The following MAN2B2 variants were observed in gnomAD, a reference collection of about 807,000 sequenced individuals.
MAN2B2 encodes epididymis-specific alpha-mannosidase.
Under a neutral mutation model 117.1 loss-of-function variants are expected in MAN2B2, and 106 were observed. The ratio of observed to expected loss-of-function variants is 0.90; its 90% confidence interval spans 0.77 to 1.06. The LOEUF (loss-of-function observed/expected upper bound fraction) is 1.06, where lower values mean the gene tolerates loss of function less well. Among genes scored for constraint, MAN2B2 ranks in the 50% least tolerant of loss-of-function variants. The pLI is 0.00. For synonymous variants in MAN2B2, 544 were observed against 595.1 expected (o/e 0.91, Z 1.25); for missense variants, 1,326 against 1,381.4 (o/e 0.96, Z 0.64).
At chr4:6,578,603 G>T in intron 3 of MAN2B2, 105 bp downstream of exon 3, 1 of 915,758 alleles carries the variant, frequency 1.1e-6, no homozygotes, top group Non-Finnish European at 1.7e-6. Flanking sequence ...CCCTCTTAGT[G>T]GGGTCGGGGA....
At chr4:6,607,139 T>C (rs1191346444) in intron 11 of MAN2B2, among the ~76,000 whole-genome samples, 1 of 152,242 alleles carries the variant, frequency 6.6e-6, no homozygotes, top group East Asian at 1.9e-4. Flanking sequence ...TGGATTTACC[T>C]GTTCATACAA....
At chr4:6,602,153 T>G (rs978151437) in intron 10 of MAN2B2, among the ~76,000 whole-genome samples, 7 of 152,350 alleles carry the variant, frequency 4.6e-5, no homozygotes, top group Non-Finnish European at 1.0e-4. Flanking sequence ...AGCCGTGAGC[T>G]GAGCCTTCCC....
intron 10 of MAN2B2, among the ~76,000 whole-genome samples, chr4:6,604,204 G>A (rs1389292079): frequency 3.3e-5 from 5 of 152,194 alleles, no homozygotes; most frequent in African/African-American, 1.2e-4. Flanking sequence ...GGTCACCGCA[G>A]GGAGGAGGCT....
At chr4:6,602,353 G>GT (rs1296970502) in intron 10 of MAN2B2, among the ~76,000 whole-genome samples, 8 of 152,322 alleles carry the variant, frequency 5.3e-5, no homozygotes, top group African/African-American at 1.4e-4. Flanking sequence ...GCATGGCCGG[G>GT]TTCTGGTGAG....
chr4:6,610,260 G>A (rs532701976), intron 13 of MAN2B2, among the ~76,000 whole-genome samples: 11 of 152,218 alleles, frequency 7.2e-5, no homozygotes, highest in Admixed American at 6.5e-4. Context: ...AGGTTCAAGC[G>A]ATTCTCCTGC....
At chr4:6,616,276 G>A (rs73209774) in intron 16 of MAN2B2, among the ~76,000 whole-genome samples, 84 of 152,224 alleles carry the variant, frequency 5.5e-4, no homozygotes, top group Middle Eastern at 3.4e-3. Flanking sequence ...TCTGAGCCTC[G>A]GTCTTCCCAT....
rs531506463 is a variant in MAN2B2, at chr4:6,598,430, C to T, written c.1405+76C>T. 9.7e-5 allele frequency: 143 copies of T among 1,470,708 alleles called. No individual in the cohort carries two copies. In the African/African-American group the frequency reaches 1.5e-3, roughly 16 times the overall value. 91.1% of individuals were successfully genotyped at this position (1,470,708 alleles called of 1,614,324 possible). ...TGAGGAGGTCAGGGGAGGGGCTCAA[C>T]GACCCCAGCTTCAGACTCTGAGTCC... On this transcript the variant is annotated intron_variant, in intron 9 of 18. Transcript: ENST00000285599.
At chr4:6,578,049 A>G (rs1202383432) in intron 2 of MAN2B2, among the ~76,000 whole-genome samples, 1 of 152,030 alleles carries the variant, frequency 6.6e-6, no homozygotes, top group African/African-American at 2.4e-5. Flanking sequence ...TGTTAAGCAA[A>G]TAGGTTAAAA....
intron 18 of MAN2B2, 21 bp downstream of exon 18, chr4:6,620,065 G>C (rs746924286): frequency 1.3e-6 from 2 of 1,587,730 alleles, no homozygotes; most frequent in Admixed American, 3.5e-5. Context: ...CCCCGCTTCA[G>C]CTCCCTACCC....
chr4:6,600,794 C>T, intron 10 of MAN2B2, 38 bp downstream of exon 10: 1 of 1,608,424 alleles, frequency 6.2e-7, no homozygotes, highest in Non-Finnish European at 8.5e-7. Context: ...GCCTTAGCTG[C>T]TTGCTGAACC....
At chr4:6,617,054 C>G (rs943350815) in intron 16 of MAN2B2, among the ~76,000 whole-genome samples, 1 of 152,302 alleles carries the variant, frequency 6.6e-6, no homozygotes, top group South Asian at 2.1e-4. Flanking sequence ...TCACGTCTTA[C>G]ATGGTGGCAG....
chr4:6,609,189 G>T lies in MAN2B2; in HGVS notation c.1897G>T (p.Asp633Tyr). ...NGDVKQGPIS[D>Y]NYLFTPGKAA... ...GGATGTGAAACAGGGCCCCATTTCCGATAACTACCTGTTCACACCGGGCAA... is the reference window on the plus strand; with the variant it reads ...GGATGTGAAACAGGGCCCCATTTCCTATAACTACCTGTTCACACCGGGCAA... Residue 633 changes from aspartate to tyrosine, a missense_variant, in exon 12 of 19, where the codon GAT becomes TAT. Asp to Tyr is a radical substitution (Grantham distance 160). Coordinates refer to ENST00000285599, the MANE Select transcript of MAN2B2 (RefSeq NM_015274.3). 1 of 1,614,216 alleles carries T rather than the reference G, an allele frequency of 6.2e-7. No individual in the cohort carries two copies. Among genetic ancestry groups the T allele is most frequent in the Non-Finnish European group, 8.5e-7 (1 of 1,180,034 alleles).
chr4:6,614,568 G>C (rs1024974178), intron 16 of MAN2B2, among the ~76,000 whole-genome samples: 9 of 152,142 alleles, frequency 5.9e-5, no homozygotes, highest in Non-Finnish European at 7.3e-5. Context: ...CTGGCCCCCA[G>C]CCCTGTGACC....
rs139366067 is a variant in MAN2B2 at position 6,597,567 on chromosome 4, A to C, written c.1248+264A>C. On this transcript the variant is annotated intron_variant, in intron 8 of 18. Coordinates refer to ENST00000285599, the MANE Select transcript of MAN2B2 (RefSeq NM_015274.3). The stretch of plus-strand genomic sequence containing the variant: ...GGGATAAAGGACAAGGTGGAGTGGC[A>C]TTTGTGTCCGACAGCCCTGCCTGCA... Among the ~76,000 whole-genome samples, 84 of 152,322 alleles carry C rather than the reference A, an allele frequency of 5.5e-4. 1 individual carries two copies. The East Asian group carries it at 0.015, about 28-fold the overall frequency.
At position 6,587,102 on chromosome 4, in the gene MAN2B2, G is replaced by T. The variant is rs565418990; in HGVS notation, c.498G>T (p.Ala166=). The change falls in exon 4 of 19, where the codon GCG becomes GCT. Residue 166 remains alanine (A), a synonymous_variant. Transcript: ENST00000285599. ...SATTPTLFAL[A]GFNAHLGSRI... Reference sequence around the variant, plus strand: ...CGACGCCCACCCTATTTGCGCTGGCGGGCTTCAATGCCCACCTCGGCTCCC... The same window carrying T: ...CGACGCCCACCCTATTTGCGCTGGCTGGCTTCAATGCCCACCTCGGCTCCC... The T allele has an allele frequency of 6.2e-7, 1 of 1,613,848 alleles. No homozygotes were observed. Among genetic ancestry groups the T allele is most frequent in the Admixed American group, 1.7e-5 (1 of 60,002 alleles).
rs532773904 is a variant in MAN2B2 at position 6,596,532 on chromosome 4, G to A, written c.1058-581G>A. ...TTCAGCCCTCCTGCCTCCTGCATGG[G>A]CCCTGGGCATCCTCATCCTCTCTGT... On this transcript the variant is annotated intron_variant, in intron 7 of 18. Coordinates refer to ENST00000285599, the MANE Select transcript of MAN2B2 (RefSeq NM_015274.3). Among the ~76,000 whole-genome samples, 29 of 152,230 alleles carry A rather than the reference G, an allele frequency of 1.9e-4. No homozygotes were observed. In the South Asian group the frequency reaches 3.9e-3, roughly 21 times the overall value.
intron 9 of MAN2B2, among the ~76,000 whole-genome samples, chr4:6,599,231 G>A (rs752243323): frequency 2.0e-5 from 3 of 152,136 alleles, no homozygotes; most frequent in African/African-American, 4.8e-5. Context: ...CCAAGTAGCT[G>A]GGACTACAGG....
At chr4:6,587,746 TGTTG>T (rs1318349518) in intron 4 of MAN2B2, among the ~76,000 whole-genome samples, 4 of 130,810 alleles carry the variant, frequency 3.1e-5, no homozygotes, top group Non-Finnish European at 1.7e-5. Context: ...TCTTTTGGGT[TGTTG>T]TTTTTTTTTT....
At chr4:6,594,243 G>A (rs866038496) in intron 6 of MAN2B2, among the ~76,000 whole-genome samples, 2 of 152,148 alleles carry the variant, frequency 1.3e-5, no homozygotes, top group African/African-American at 4.8e-5. Flanking sequence ...AGGAGTTCGG[G>A]ACCAGCCTGG....
Sources: gnomAD v4.1 joint callset for allele counts (sites outside exome capture counted in the v4.1 genomes callset) on GRCh38, gnomAD v4.1.1 for gene constraint, MANE v1.5 for transcripts, NCBI Gene and HGNC (gene_info 2026-07-23, HGNC 2026-07-21) for gene names.